Variants in CDH10 observed in about 807,000 individuals in gnomAD.
CDH10 encodes cadherin-10.
Under a neutral mutation model 73.1 loss-of-function variants are expected in CDH10, and 30 were observed. That is an observed-to-expected ratio of 0.41 (90% CI 0.31 to 0.56). The LOEUF is 0.56. Among genes scored for constraint, CDH10 ranks in the 20% least tolerant of loss-of-function variants. The pLI is 0.27. For missense variants in CDH10, 815 were observed against 973.7 expected, an observed-to-expected ratio of 0.84 and a Z score of 2.17; for synonymous variants, 345 against 348.2, an observed-to-expected ratio of 0.99 and a Z score of 0.10.
chr5:24,488,505 T>C (rs1345779187), intron 11 of CDH10, among the ~76,000 whole-genome samples: 3 of 152,002 alleles, frequency 2.0e-5, no homozygotes, highest in Non-Finnish European at 4.4e-5. Flanking sequence ...CTATATAAAA[T>C]TTGTGTGTAT....
At chr5:24,518,212 T>C (rs922098465) in intron 5 of CDH10, among the ~76,000 whole-genome samples, 1 of 152,130 alleles carries the variant, frequency 6.6e-6, no homozygotes, top group Non-Finnish European at 1.5e-5. Flanking sequence ...TTTGCAAAAG[T>C]GAGGCACGTT....
At chr5:24,528,930 T>C (rs975840156) in intron 5 of CDH10, among the ~76,000 whole-genome samples, 4 of 152,014 alleles carry the variant, frequency 2.6e-5, no homozygotes, top group African/African-American at 9.7e-5. Flanking sequence ...ATTCTGTTTT[T>C]TTAACTAATG....
chr5:24,532,044 G>C (rs1274848763), intron 5 of CDH10, among the ~76,000 whole-genome samples: 6 of 151,948 alleles, frequency 3.9e-5, no homozygotes, highest in African/African-American at 1.5e-4. Flanking sequence ...CCATGGCTAG[G>C]GAGGGCAAAA....
chr5:24,498,610 A>G, intron 8 of CDH10, 91 bp from the exon 9 acceptor site: 1 of 779,660 alleles, frequency 1.3e-6, no homozygotes, highest in South Asian at 1.8e-5. Flanking sequence ...TGAAGTGCTC[A>G]CATACAAATA....
Position 24,631,590 on chromosome 5 carries a change from C to T in CDH10, c.-124+13004G>A, listed in dbSNP as rs554102781. Among the ~76,000 whole-genome samples, 46 of 151,892 alleles carry T rather than the reference C, an allele frequency of 3.0e-4. No individual in the cohort carries two copies. In the South Asian group the frequency reaches 9.1e-3, roughly 30 times the overall value. On this transcript the variant is annotated intron_variant, in intron 1 of 11. Coordinates refer to ENST00000264463, the MANE Select transcript of CDH10 (RefSeq NM_006727.5). ...TGAAAGAGTACTCACCTTTCAAGTC[C>T]CTCTTCAGCTTCCCATGAGTAGAAG... is the stretch of plus-strand genomic sequence containing the variant.
intron 11 of CDH10, 63 bp from the exon 12 acceptor site, chr5:24,488,216 A>G (rs2111614671): frequency 3.0e-6 from 4 of 1,331,188 alleles, no homozygotes; most frequent in Non-Finnish European, 4.1e-6. Flanking sequence ...AACGAGTGGA[A>G]ATACTATAAA....
Position 24,509,815 on chromosome 5 carries a change from AGTGGCTGT to A in CDH10, c.1003-4_1006del. On this transcript the variant is annotated splice_acceptor_variant and splice_polypyrimidine_tract_variant and coding_sequence_variant and intron_variant, in exon 7 of 12. Coordinates refer to ENST00000264463, the MANE Select transcript of CDH10 (RefSeq NM_006727.5). LOFTEE classifies it high-confidence loss of function. The stretch of plus-strand genomic sequence containing the variant: ...ATAAAGTCTTCGGCTCTCATAGTCG[AGTGGCTGT>A]ATAAAAAAATAAATCATCAAATTAG... The A allele has an allele frequency of 6.2e-7, 1 of 1,601,810 alleles. No individual in the cohort carries two copies. The highest frequency in any genetic ancestry group is 1.3e-5 in the African/African-American group (1 of 74,232).
intron 1 of CDH10, among the ~76,000 whole-genome samples, chr5:24,642,245 G>T (rs1426547569): frequency 6.6e-6 from 1 of 152,114 alleles, no homozygotes; most frequent in Non-Finnish European, 1.5e-5. Context: ...GTATAAAAAT[G>T]ACATATTCCA....
intron 2 of CDH10, among the ~76,000 whole-genome samples, chr5:24,560,201 TG>T (rs766467442): frequency 0.081 from 98 of 1,208 alleles, no homozygotes; most frequent in East Asian, 0.5. Context: ...TATTTGCAAT[TG>T]TGTGTGTGTG....
intron 5 of CDH10, among the ~76,000 whole-genome samples, chr5:24,517,969 T>C (rs911947164): frequency 6.6e-5 from 10 of 152,164 alleles, no homozygotes; most frequent in Non-Finnish European, 5.9e-5. Flanking sequence ...GATTTCGTAG[T>C]GTAGGCTCAG....
At chr5:24,587,499 T>A (rs1222592346) in intron 2 of CDH10, among the ~76,000 whole-genome samples, 1 of 152,154 alleles carries the variant, frequency 6.6e-6, no homozygotes, top group African/African-American at 2.4e-5. Context: ...TGCCATTACA[T>A]ATGTACTTGT....
chr5:24,488,777 A>G (rs1286476439), intron 11 of CDH10, among the ~76,000 whole-genome samples: 1 of 145,356 alleles, frequency 6.9e-6, no homozygotes, highest in East Asian at 2.0e-4. Flanking sequence ...ATGAAAATAT[A>G]TACCTTGCAT....
At chr5:24,634,988 A>G (rs1031824977) in intron 1 of CDH10, among the ~76,000 whole-genome samples, 12 of 116,932 alleles carry the variant, frequency 1.0e-4, no homozygotes, top group African/African-American at 3.5e-4. Flanking sequence ...ATTAACATAT[A>G]AATAGAGCCA....
At chr5:24,582,048 C>T (rs12514452) in intron 2 of CDH10, among the ~76,000 whole-genome samples, 32 of 152,246 alleles carry the variant, frequency 2.1e-4, no homozygotes, top group Admixed American at 2.0e-3. Context: ...ACTATGACAA[C>T]TTCTGAAAAG....
At chr5:24,558,458 C>T (rs1744844057) in intron 2 of CDH10, among the ~76,000 whole-genome samples, 1 of 151,548 alleles carries the variant, frequency 6.6e-6, no homozygotes, top group South Asian at 2.1e-4. Context: ...AAATGAAAAT[C>T]TTTTTTAAAA....
chr5:24,528,728 C>T (rs1335387389), intron 5 of CDH10, among the ~76,000 whole-genome samples: 2 of 151,944 alleles, frequency 1.3e-5, no homozygotes, highest in African/African-American at 4.8e-5. Context: ...CTGAATTTTG[C>T]CCTATAATCT....
At chr5:24,585,832 G>T (rs1745975296) in intron 2 of CDH10, among the ~76,000 whole-genome samples, 1 of 152,140 alleles carries the variant, frequency 6.6e-6, no homozygotes, top group African/African-American at 2.4e-5. Flanking sequence ...CAGAAGCTCA[G>T]TTATCACAGG....
At chr5:24,536,152 A>C (rs1247912610) in intron 3 of CDH10, among the ~76,000 whole-genome samples, 2 of 152,088 alleles carry the variant, frequency 1.3e-5, no homozygotes, top group Non-Finnish European at 2.9e-5. Flanking sequence ...TTTTGTGTAA[A>C]GGGCATATCT....
At chr5:24,609,697 TC>T (rs11290196) in intron 1 of CDH10, 46,757 of 152,142 alleles carry the variant, frequency 0.31, 8,430 homozygotes, top group African/African-American at 0.51. Flanking sequence ...AGATTGTGTG[TC>T]CACCAGTGCA....
Sources: allele counts gnomAD v4.1 joint callset (sites outside exome capture counted in the v4.1 genomes callset), GRCh38; gene constraint gnomAD v4.1.1; transcripts MANE v1.5; gene names NCBI Gene and HGNC (gene_info 2026-07-23, HGNC 2026-07-21).